PLEKHA2: variants seen among roughly 807,000 people sequenced by gnomAD.
The protein encoded by PLEKHA2 is pleckstrin homology domain containing A2.
PLEKHA2 carries 28 observed loss-of-function variants against 53.2 expected under a neutral mutation model. The observed-to-expected ratio is 0.53, with a 90% confidence interval of 0.39 to 0.72. The LOEUF (loss-of-function observed/expected upper bound fraction) is 0.72. Ranked by LOEUF, PLEKHA2 falls within the 30% of genes least tolerant of loss-of-function variation. PLEKHA2 has a pLI of 0.00. For synonymous variants in PLEKHA2, 193 were observed against 196.4 expected (o/e 0.98, Z 0.14); for missense variants, 426 against 537.9 (o/e 0.79, Z 2.06).
rs952488223 is a variant in PLEKHA2 at position 38,950,070 on chromosome 8, G to A, written c.346-780G>A. Among the ~76,000 whole-genome samples the A allele has an allele frequency of 2.6e-5, 4 of 152,090 alleles. No homozygotes were observed. The South Asian group carries it at 8.3e-4, about 32-fold the overall frequency. ...TTTATTTTGTATTTTTTTCGAGACA[G>A]GGTCTCTGTCACCTAGCCTGGAGTA... On this transcript the variant is annotated intron_variant, in intron 5 of 11. Coordinates refer to ENST00000617275, the MANE Select transcript of PLEKHA2 (RefSeq NM_021623.2).
At chr8:38,966,940 G>A (rs1255734290) in intron 10 of PLEKHA2, among the ~76,000 whole-genome samples, 1 of 151,242 alleles carries the variant, frequency 6.6e-6, no homozygotes, top group Non-Finnish European at 1.5e-5. Context: ...TCCCTCACCC[G>A]CCTCCCACCC....
At chr8:38,954,519 TTTC>T (rs1834901861) in intron 9 of PLEKHA2, among the ~76,000 whole-genome samples, 1 of 152,084 alleles carries the variant, frequency 6.6e-6, no homozygotes, top group African/African-American at 2.4e-5. Flanking sequence ...TGCCTTGAAC[TTTC>T]TCTAACTCTC....
At chr8:38,905,508 A>G (rs937597165) in intron 1 of PLEKHA2, among the ~76,000 whole-genome samples, 1 of 151,460 alleles carries the variant, frequency 6.6e-6, no homozygotes, top group Admixed American at 6.6e-5. Flanking sequence ...TGTCACCTGC[A>G]CATCCTCCTT....
intron 2 of PLEKHA2, among the ~76,000 whole-genome samples, chr8:38,935,683 T>C (rs1306050479): frequency 6.6e-6 from 1 of 152,186 alleles, no homozygotes; most frequent in African/African-American, 2.4e-5. Context: ...CCTTCCAAAG[T>C]ACTGGGATTA....
chr8:38,935,863 A>C, intron 2 of PLEKHA2, 131 bp from the exon 3 acceptor site: 2 of 771,386 alleles, frequency 2.6e-6, no homozygotes, highest in Non-Finnish European at 4.5e-6. Context: ...GAGGAATGCA[A>C]GTTAAAGAAT....
chr8:38,959,487 C>T lies in PLEKHA2; in HGVS notation c.837+2101C>T, dbSNP rs964600772. ...TTGCCATTAAAAAATACCACTTGGG[C>T]AAGTTATTTAACTTCAGTGCCTGTT... On this transcript the variant is annotated intron_variant, in intron 10 of 11. Coordinates refer to ENST00000617275, the MANE Select transcript of PLEKHA2 (RefSeq NM_021623.2). 2.0e-5 allele frequency among the ~76,000 whole-genome samples: 3 copies of T among 152,142 alleles called. No homozygotes were observed. The East Asian group carries it at 5.8e-4, about 29-fold the overall frequency.
At chr8:38,953,013 G>A (rs748187562) in intron 8 of PLEKHA2, among the ~76,000 whole-genome samples, 1 of 152,108 alleles carries the variant, frequency 6.6e-6, no homozygotes, top group African/African-American at 2.4e-5. Context: ...GCACAGTGGT[G>A]GATTTTTTGT....
chr8:38,921,353 C>A (rs184006165), intron 2 of PLEKHA2, among the ~76,000 whole-genome samples: 118 of 152,378 alleles, frequency 7.7e-4, no homozygotes, highest in Non-Finnish European at 1.1e-3. Flanking sequence ...TTTACCCGAA[C>A]TGACTTGCTT....
At chr8:38,902,101 G>A (rs1174339255) in intron 1 of PLEKHA2, 1 of 152,066 alleles carries the variant, frequency 6.6e-6, no homozygotes, top group South Asian at 2.1e-4. Flanking sequence ...GCCCTCGAGG[G>A]GAGCTGTCGT....
chr8:38,942,924 A>T (rs1220710752), intron 3 of PLEKHA2, among the ~76,000 whole-genome samples: 1 of 152,172 alleles, frequency 6.6e-6, no homozygotes, highest in African/African-American at 2.4e-5. Flanking sequence ...CTCTCTGGGC[A>T]CCTGGAAGGT....
intron 3 of PLEKHA2, among the ~76,000 whole-genome samples, chr8:38,940,652 G>GT (rs971239699): frequency 2.2e-4 from 7 of 31,866 alleles, no homozygotes; most frequent in East Asian, 3.7e-4. Context: ...TGAAGGGGCG[G>GT]GGGGGGGGGG....
chr8:38,916,291 T>G (rs538504416), intron 1 of PLEKHA2, among the ~76,000 whole-genome samples: 1 of 152,228 alleles, frequency 6.6e-6, no homozygotes, highest in Admixed American at 6.5e-5. Flanking sequence ...TTAGTTATTT[T>G]AAAATGTGCA....
Position 38,947,419 on chromosome 8 carries a change from C to T in PLEKHA2, c.345+1198C>T, listed in dbSNP as rs150821414. 5.4e-3 allele frequency among the ~76,000 whole-genome samples: 825 copies of T among 152,174 alleles called. 11 individuals carry two copies. The highest frequency in any genetic ancestry group is 0.019 in the African/African-American group (784 of 41,510). ...GAGCCGAGATCGTGCCATTGCATTC[C>T]AGCCTGGGCGACAAGAGTGAAACTC... On this transcript the variant is annotated intron_variant, in intron 5 of 11. Coordinates refer to ENST00000617275, the MANE Select transcript of PLEKHA2 (RefSeq NM_021623.2).
rs745350883 is a variant in PLEKHA2 at position 38,917,953 on chromosome 8, C to T, written c.24C>T (p.Asn8=). 6.2e-7 allele frequency: 1 copy of T among 1,613,608 alleles called. No individual in the cohort carries two copies. Among genetic ancestry groups the T allele is most frequent in the East Asian group, 2.2e-5 (1 of 44,880 alleles). MPYVDRQ[N]RICGFLDIEE... ...GAATGCCTTATGTGGATCGGCAGAA[C>T]CGAATCTGTGGGTTTCTGGACATCG... The change falls in exon 2 of 12, where the codon AAC becomes AAT. Residue 8 remains asparagine, a synonymous_variant. Coordinates refer to ENST00000617275, the MANE Select transcript of PLEKHA2 (RefSeq NM_021623.2).
intron 3 of PLEKHA2, among the ~76,000 whole-genome samples, chr8:38,942,933 G>A (rs923586853): frequency 6.6e-6 from 1 of 152,152 alleles, no homozygotes; most frequent in African/African-American, 2.4e-5. Context: ...CACCTGGAAG[G>A]TGCTTATTTT....
chr8:38,933,721 G>A (rs1377414764), intron 2 of PLEKHA2, among the ~76,000 whole-genome samples: 1 of 137,082 alleles, frequency 7.3e-6, no homozygotes, highest in Non-Finnish European at 1.5e-5. Flanking sequence ...GGGCTCCTAT[G>A]TGGACTCTGA....
intron 10 of PLEKHA2, 34 bp downstream of exon 10, chr8:38,957,420 C>G (rs771671538): frequency 6.4e-7 from 1 of 1,564,694 alleles, no homozygotes; most frequent in South Asian, 1.1e-5. Flanking sequence ...CTCCAGCATT[C>G]TGTTTCTGTG....
intron 1 of PLEKHA2, among the ~76,000 whole-genome samples, chr8:38,912,143 A>G (rs967237193): frequency 1.3e-5 from 2 of 152,136 alleles, no homozygotes; most frequent in African/African-American, 2.4e-5. Flanking sequence ...TCTACTAAAA[A>G]TACAAAAATT....
chr8:38,945,528 A>G (rs1342113701), intron 4 of PLEKHA2, among the ~76,000 whole-genome samples: 1 of 152,076 alleles, frequency 6.6e-6, no homozygotes, highest in Non-Finnish European at 1.5e-5. Flanking sequence ...CTCAGAAATG[A>G]CTCTCACGTT....
Sources: gnomAD v4.1 joint callset for allele counts (sites outside exome capture counted in the v4.1 genomes callset) on GRCh38, gnomAD v4.1.1 for gene constraint, MANE v1.5 for transcripts, NCBI Gene and HGNC (gene_info 2026-07-23, HGNC 2026-07-21) for gene names.